The following GLI2 variants were observed in gnomAD, a reference collection of about 807,000 sequenced individuals.
The protein encoded by GLI2 is GLI family zinc finger 2, also known as transcription activator GLI2.
Under a neutral mutation model 78.9 loss-of-function variants are expected in GLI2, and 22 were observed. The observed-to-expected ratio is 0.28, with a 90% CI of 0.20 to 0.40. GLI2 has a LOEUF of 0.40. Ranked by LOEUF, GLI2 falls within the 10% of genes least tolerant of loss-of-function variation. GLI2 has a pLI of 1.00. For missense variants in GLI2, 2,097 were observed against 2,213.2 expected (o/e 0.95, Z 1.05); for synonymous variants, 974 against 963.7 (o/e 1.01, Z -0.20).
intron 2 of GLI2, among the ~76,000 whole-genome samples, chr2:120,836,548 C>A (rs185089059): frequency 3.3e-5 from 5 of 152,164 alleles, no homozygotes; most frequent in African/African-American, 1.2e-4. Flanking sequence ...CACACCTCCC[C>A]CTGTGTCCCT....
At chr2:120,967,493 T>C (rs1253648011) in intron 5 of GLI2, among the ~76,000 whole-genome samples, 1 of 152,128 alleles carries the variant, frequency 6.6e-6, no homozygotes, top group Non-Finnish European at 1.5e-5. Flanking sequence ...GGGGGCACCG[T>C]GATGGGGAGC....
chr2:120,867,972 T>C (rs1203241707), intron 2 of GLI2, among the ~76,000 whole-genome samples: 1 of 152,152 alleles, frequency 6.6e-6, no homozygotes, highest in Admixed American at 6.5e-5. Flanking sequence ...TGCCAGGGAC[T>C]GGGGGCTCTG....
At chr2:120,937,572 C>T (rs990424196) in intron 3 of GLI2, among the ~76,000 whole-genome samples, 2 of 152,168 alleles carry the variant, frequency 1.3e-5, no homozygotes, top group African/African-American at 4.8e-5. Flanking sequence ...AGGCCTCCCC[C>T]CACGTCCCAG....
rs746195258 is a variant in GLI2, at chr2:120,982,743, C to A, written c.1495C>A (p.Arg499Ser). The change falls in exon 11 of 14, where the codon CGC becomes AGC. Residue 499 changes from arginine to serine, a missense_variant. By Grantham distance (110) the Arg-to-Ser change is moderately radical. Transcript: ENST00000361492. ...TFEGCSKAYS[R>S]LENLKTHLRS... ...CGAGGGCTGCTCGAAGGCCTACTCC[C>A]GCCTGGAGAACCTGAAGACACACCT... The A allele has an allele frequency of 1.9e-6, 3 of 1,613,630 alleles. No homozygotes were observed. The highest frequency in any genetic ancestry group is 2.5e-6 in the Non-Finnish European group (3 of 1,179,744).
intron 2 of GLI2, among the ~76,000 whole-genome samples, chr2:120,906,932 A>G (rs966999071): frequency 3.9e-5 from 6 of 151,932 alleles, no homozygotes; most frequent in Admixed American, 1.3e-4. Flanking sequence ...GAGGCCCTCC[A>G]TCTGTCACCC....
intron 1 of GLI2, among the ~76,000 whole-genome samples, chr2:120,747,001 T>C (rs1452809155): frequency 6.6e-6 from 1 of 152,248 alleles, no homozygotes; most frequent in East Asian, 1.9e-4. Flanking sequence ...ATCATCCTTA[T>C]ACCATTGGGC....
chr2:120,955,544 G>A, intron 5 of GLI2, 114 bp downstream of exon 5: 1 of 682,632 alleles, frequency 1.5e-6, no homozygotes, highest in Non-Finnish European at 2.4e-6. Flanking sequence ...AGGTCGGGCT[G>A]TACCCCAATG....
chr2:120,835,782 A>ATG (rs1221259439), intron 2 of GLI2, among the ~76,000 whole-genome samples: 1 of 152,008 alleles, frequency 6.6e-6, no homozygotes, highest in African/African-American at 2.4e-5. Context: ...ACAGAAAGAG[A>ATG]TGTGTGTGTG....
chr2:120,770,537 G>A (rs1019104901), intron 1 of GLI2, among the ~76,000 whole-genome samples: 1 of 152,204 alleles, frequency 6.6e-6, no homozygotes, highest in African/African-American at 2.4e-5. Context: ...CTGTATTTGG[G>A]ATTTGGGCTG....
intron 1 of GLI2, among the ~76,000 whole-genome samples, chr2:120,787,948 G>T (rs1425214633): frequency 6.6e-6 from 1 of 152,254 alleles, no homozygotes; most frequent in Admixed American, 6.5e-5. Flanking sequence ...GGTGGAGGAG[G>T]ATGCCTGGAT....
At chr2:120,877,090 G>A (rs1300707452) in intron 2 of GLI2, among the ~76,000 whole-genome samples, 1 of 152,144 alleles carries the variant, frequency 6.6e-6, no homozygotes, top group African/African-American at 2.4e-5. Flanking sequence ...ATTTGCATGG[G>A]GCTTGGCCCA....
intron 1 of GLI2, among the ~76,000 whole-genome samples, chr2:120,749,826 G>C (rs1046099813): frequency 9.2e-5 from 14 of 152,350 alleles, no homozygotes; most frequent in African/African-American, 3.1e-4. Flanking sequence ...CATCTCAAGA[G>C]GGGGGCCTTG....
intron 9 of GLI2, among the ~76,000 whole-genome samples, chr2:120,976,699 G>C (rs990017961): frequency 3.3e-5 from 5 of 152,200 alleles, no homozygotes; most frequent in African/African-American, 1.2e-4. Context: ...AATGCGGAGG[G>C]TCCCCAAACT....
chr2:120,847,912 G>A (rs759022023), intron 2 of GLI2, among the ~76,000 whole-genome samples: 17 of 152,146 alleles, frequency 1.1e-4, no homozygotes, highest in East Asian at 1.9e-4. Context: ...GGAGAAACCC[G>A]CTGTGGGGAG....
intron 1 of GLI2, among the ~76,000 whole-genome samples, chr2:120,761,665 TC>T (rs1683217967): frequency 6.6e-6 from 1 of 152,034 alleles, no homozygotes; most frequent in Non-Finnish European, 1.5e-5. Flanking sequence ...GAGAGCCACC[TC>T]CCCTGCCTCC....
At position 120,978,525 on chromosome 2, in the gene GLI2, A is replaced by T; in HGVS notation, c.1409A>T (p.Gln470Leu). ...CGGGAGCAGAAGCCCTTCAAGGCGCAGTACATGCTGGTGGTGCACATGCGG... is the reference window on the plus strand; with the variant it reads ...CGGGAGCAGAAGCCCTTCAAGGCGCTGTACATGCTGGTGGTGCACATGCGG... ...CTREQKPFKA[Q>L]YMLVVHMRRH... The change falls in exon 10 of 14, where the codon CAG becomes CTG. Residue 470 changes from glutamine (Q) to leucine (L), a missense_variant. Transcript: ENST00000361492. The T allele has an allele frequency of 3.1e-6, 5 of 1,614,158 alleles. No individual in the cohort carries two copies. Among genetic ancestry groups the T allele is most frequent in the Non-Finnish European group, 4.2e-6 (5 of 1,180,038 alleles).
rs559894638 is a variant in GLI2, at chr2:120,737,779, A to G, written c.-31+1494A>G. On this transcript the variant is annotated intron_variant, in intron 1 of 13. Transcript: ENST00000361492. The surrounding 1 kb of genome is among the most constrained non-coding windows in gnomAD (Gnocchi z 4.3). ...TTTGAAAGTAAACGTTTCCCTCGCA[A>G]GCAGCATAAAATAGTGTTTAAACAA... Among the ~76,000 whole-genome samples, 134 of 152,388 alleles carry G rather than the reference A, an allele frequency of 8.8e-4. No individual in the cohort carries two copies. Among genetic ancestry groups the G allele is most frequent in the African/African-American group, 3.2e-3 (132 of 41,598 alleles).
intron 1 of GLI2, among the ~76,000 whole-genome samples, chr2:120,760,701 A>G (rs1227150732): frequency 1.3e-5 from 2 of 152,154 alleles, no homozygotes; most frequent in African/African-American, 2.4e-5. Context: ...AATCTTTTCC[A>G]GTGGCTCAGG....
chr2:120,886,111 GT>G lies in GLI2; in HGVS notation c.149-41241del, dbSNP rs557681492. On this transcript the variant is annotated intron_variant, in intron 2 of 13. Transcript: ENST00000361492. ...TGTGTCTGTGTGTTTTGGTTTTGGG[GT>G]TTTTTTTTGAGACAGGGTCTTGGAA... Among the ~76,000 whole-genome samples, 1,171 of 147,016 alleles carry G rather than the reference GT, an allele frequency of 8.0e-3. 5 individuals are homozygous for G. Among genetic ancestry groups the G allele is most frequent in the Non-Finnish European group, 0.012 (805 of 66,542 alleles).
Sources: allele counts gnomAD v4.1 joint callset (sites outside exome capture counted in the v4.1 genomes callset), GRCh38; gene constraint gnomAD v4.1.1; non-coding constraint Gnocchi (gnomAD v3.1); transcripts MANE v1.5; gene names NCBI Gene and HGNC (gene_info 2026-07-23, HGNC 2026-07-21).